Variants in RSPO2 observed in about 807,000 individuals in gnomAD.
The protein encoded by RSPO2 is R-spondin 2, also known as R-spondin-2.
RSPO2 carries 14 observed loss-of-function variants against 30.9 expected under a neutral mutation model. The observed-to-expected ratio is 0.45, with a 90% CI of 0.30 to 0.71. RSPO2 has a LOEUF of 0.71. Among genes scored for constraint, RSPO2 ranks in the 30% least tolerant of loss-of-function variants. The probability of loss-of-function intolerance (pLI) is 0.08; values close to 1 mark genes in which losing one functional copy is unlikely to be tolerated. For synonymous variants in RSPO2, 107 were observed against 96.4 expected (o/e 1.11, Z -0.64); for missense variants, 264 against 301.9 (o/e 0.87, Z 0.93).
At chr8:107,961,661 T>C (rs1391681441) in intron 3 of RSPO2, among the ~76,000 whole-genome samples, 1 of 152,174 alleles carries the variant, frequency 6.6e-6, no homozygotes, top group African/African-American at 2.4e-5. Flanking sequence ...TAGACAACTA[T>C]ATGCCTCTCT....
intron 5 of RSPO2, among the ~76,000 whole-genome samples, chr8:107,956,412 T>C (rs1441009901): frequency 6.6e-6 from 1 of 152,194 alleles, no homozygotes; most frequent in Non-Finnish European, 1.5e-5. Flanking sequence ...TATTAGCAGA[T>C]GATACATAAG....
intron 5 of RSPO2, among the ~76,000 whole-genome samples, chr8:107,929,530 TAAG>T (rs1812486646): frequency 6.6e-6 from 1 of 152,080 alleles, no homozygotes; most frequent in Non-Finnish European, 1.5e-5. Flanking sequence ...TGCTCTTGGC[TAAG>T]AAGAGAGAGA....
At chr8:107,955,986 T>G (rs549767652) in intron 5 of RSPO2, among the ~76,000 whole-genome samples, 1 of 152,328 alleles carries the variant, frequency 6.6e-6, no homozygotes, top group South Asian at 2.1e-4. Flanking sequence ...TAAAGTGGCT[T>G]TCTTCTCCAT....
intron 2 of RSPO2, among the ~76,000 whole-genome samples, chr8:108,010,109 A>G: frequency 6.6e-6 from 1 of 152,174 alleles, no homozygotes; most frequent in East Asian, 1.9e-4. Context: ...ATGAGTATCA[A>G]AAACCAGAGA....
In RSPO2 at chr8:107,935,587, C is replaced by G. The variant is rs892886218; in HGVS notation, c.616+22493G>C. Among the ~76,000 whole-genome samples the G allele has an allele frequency of 3.9e-5, 6 of 152,168 alleles. No homozygotes were observed. The East Asian group carries it at 7.8e-4, about 20-fold the overall frequency. ...TGCACCAAAGCCACAAAATCATGCT[C>G]TACCACAAAATCATGCTCTACTGGA... On this transcript the variant is annotated intron_variant, in intron 5 of 5. Coordinates refer to ENST00000276659, the MANE Select transcript of RSPO2 (RefSeq NM_178565.5).
intron 2 of RSPO2, among the ~76,000 whole-genome samples, chr8:108,051,542 A>G (rs1563579760): frequency 6.6e-6 from 1 of 152,224 alleles, no homozygotes; most frequent in East Asian, 1.9e-4. Flanking sequence ...CAATGCGTGA[A>G]TGGTTTGAGA....
At chr8:108,048,006 A>G (rs1219037297) in intron 2 of RSPO2, among the ~76,000 whole-genome samples, 1 of 152,070 alleles carries the variant, frequency 6.6e-6, no homozygotes, top group South Asian at 2.1e-4. Context: ...TGCAGAAGAT[A>G]ATTAACAGAA....
chr8:107,970,688 T>A (rs193106760), intron 3 of RSPO2, among the ~76,000 whole-genome samples: 1 of 152,352 alleles, frequency 6.6e-6, no homozygotes, highest in Non-Finnish European at 1.5e-5. Flanking sequence ...ATCAGTTGTC[T>A]GTGGGTCAAT....
intron 2 of RSPO2, among the ~76,000 whole-genome samples, chr8:108,046,335 T>C (rs896539629): frequency 2.0e-5 from 3 of 152,332 alleles, no homozygotes; most frequent in East Asian, 1.9e-4. Context: ...AGAACAATTA[T>C]AGATTTTTCT....
intron 3 of RSPO2, among the ~76,000 whole-genome samples, chr8:107,984,935 G>C (rs1296543485): frequency 1.3e-5 from 2 of 152,052 alleles, no homozygotes; most frequent in South Asian, 4.1e-4. Flanking sequence ...CTTTGTAATA[G>C]TTCATTAAAC....
chr8:107,965,570 G>A (rs1047249160), intron 3 of RSPO2, among the ~76,000 whole-genome samples: 11 of 151,974 alleles, frequency 7.2e-5, no homozygotes, highest in African/African-American at 2.7e-4. Flanking sequence ...AATGTAACAG[G>A]AGATATTAGA....
intron 2 of RSPO2, among the ~76,000 whole-genome samples, chr8:108,063,061 C>G (rs1414193624): frequency 2.6e-5 from 4 of 151,668 alleles, no homozygotes; most frequent in African/African-American, 7.3e-5. Flanking sequence ...TATGACAAAC[C>G]CACAGCCAAT....
At chr8:108,019,406 A>T (rs1281614605) in intron 2 of RSPO2, among the ~76,000 whole-genome samples, 10 of 152,064 alleles carry the variant, frequency 6.6e-5, no homozygotes, top group Admixed American at 4.6e-4. Flanking sequence ...ACATACACAC[A>T]CACACACAAC....
At chr8:107,919,279 CA>C (rs1329937886) in intron 5 of RSPO2, among the ~76,000 whole-genome samples, 1 of 152,062 alleles carries the variant, frequency 6.6e-6, no homozygotes, top group Non-Finnish European at 1.5e-5. Flanking sequence ...ACTACCATTG[CA>C]AAATTATAAC....
At chr8:108,056,235 T>C (rs139984634) in intron 2 of RSPO2, among the ~76,000 whole-genome samples, 93 of 152,306 alleles carry the variant, frequency 6.1e-4, no homozygotes, top group African/African-American at 2.1e-3. Context: ...CCTTAGGCTA[T>C]GCCCGGAGTC....
At position 107,924,199 on chromosome 8, in the gene RSPO2, G is replaced by A. The variant is rs545788682; in HGVS notation, c.617-23009C>T. On this transcript the variant is annotated intron_variant, in intron 5 of 5. Coordinates refer to ENST00000276659, the MANE Select transcript of RSPO2 (RefSeq NM_178565.5). ...CTCACTAAAGGGAGCATCTGAAGAT[G>A]TGCTTCAGAAAGTAGGAAATCGGCC... Among the ~76,000 whole-genome samples the A allele has an allele frequency of 2.0e-5, 3 of 152,132 alleles. No individual in the cohort carries two copies. The South Asian group carries it at 6.2e-4, about 32-fold the overall frequency.
chr8:107,965,498 C>T (rs1334399857), intron 3 of RSPO2, among the ~76,000 whole-genome samples: 1 of 152,172 alleles, frequency 6.6e-6, no homozygotes, highest in Non-Finnish European at 1.5e-5. Flanking sequence ...AGAACCTAAA[C>T]CCATTCCCTA....
intron 2 of RSPO2, among the ~76,000 whole-genome samples, chr8:108,017,768 C>G (rs908877072): frequency 6.6e-6 from 1 of 151,964 alleles, no homozygotes; most frequent in South Asian, 2.1e-4. Flanking sequence ...TAGTAATGAA[C>G]GATTTGTCAA....
At chr8:108,001,239 G>A (rs971850570) in intron 2 of RSPO2, among the ~76,000 whole-genome samples, 1 of 152,034 alleles carries the variant, frequency 6.6e-6, no homozygotes, top group African/African-American at 2.4e-5. Flanking sequence ...AAACAGTCAT[G>A]AATACCCCAA....
Sources: allele counts gnomAD v4.1 joint callset (sites outside exome capture counted in the v4.1 genomes callset), GRCh38; gene constraint gnomAD v4.1.1; transcripts MANE v1.5; gene names NCBI Gene and HGNC (gene_info 2026-07-23, HGNC 2026-07-21).